The following CEP112 variants were observed in gnomAD, a reference collection of about 807,000 sequenced individuals.
The protein encoded by CEP112 is centrosomal protein 112.
Under a neutral mutation model 153.0 loss-of-function variants are expected in CEP112, and 127 were observed. The observed-to-expected ratio is 0.83, with a 90% CI of 0.72 to 0.96. The LOEUF is 0.96. Among genes scored for constraint, CEP112 ranks in the 40% least tolerant of loss-of-function variants. CEP112 has a pLI of 0.00. For missense variants in CEP112, 1,089 were observed against 1,101.2 expected, an observed-to-expected ratio of 0.99 and a Z score of 0.16; for synonymous variants, 358 against 374.4, an observed-to-expected ratio of 0.96 and a Z score of 0.51.
At chr17:65,663,058 G>C (rs35787556) in intron 24 of CEP112, among the ~76,000 whole-genome samples, 1 of 152,112 alleles carries the variant, frequency 6.6e-6, no homozygotes, top group Admixed American at 6.5e-5. Context: ...TAAGATTTTA[G>C]GGATAAGGGT....
At chr17:66,106,733 C>T (rs1369906629) in intron 6 of CEP112, among the ~76,000 whole-genome samples, 8 of 152,028 alleles carry the variant, frequency 5.3e-5, no homozygotes, top group Admixed American at 5.2e-4. Context: ...GAACTAATAT[C>T]AATCCTACTC....
intron 2 of CEP112, among the ~76,000 whole-genome samples, chr17:66,179,496 T>C (rs2072625640): frequency 6.6e-6 from 1 of 152,198 alleles, no homozygotes; most frequent in Non-Finnish European, 1.5e-5. Context: ...GATTGTTTGC[T>C]GTTGGCATAT....
At chr17:65,970,065 A>G (rs1012165022) in intron 17 of CEP112, among the ~76,000 whole-genome samples, 3 of 152,214 alleles carry the variant, frequency 2.0e-5, no homozygotes, top group Non-Finnish European at 4.4e-5. Flanking sequence ...TCACATGTGT[A>G]TTGCAAACAT....
At chr17:65,695,718 A>G (rs1311275704) in intron 23 of CEP112, among the ~76,000 whole-genome samples, 1 of 152,236 alleles carries the variant, frequency 6.6e-6, no homozygotes, top group Non-Finnish European at 1.5e-5. Flanking sequence ...AATACAAGGT[A>G]TATAACAGAG....
intron 17 of CEP112, 58 bp downstream of exon 17, chr17:66,005,632 T>G: frequency 6.4e-7 from 1 of 1,561,434 alleles, no homozygotes; most frequent in Non-Finnish European, 8.6e-7. Flanking sequence ...GTTACTTAAT[T>G]TGGCTCACAG....
At chr17:65,923,375 A>C (rs1406054909) in intron 19 of CEP112, among the ~76,000 whole-genome samples, 3 of 152,096 alleles carry the variant, frequency 2.0e-5, no homozygotes, top group Non-Finnish European at 4.4e-5. Context: ...TTACCCACTT[A>C]AAATGTTACA....
In CEP112 at chr17:66,040,824, A is replaced by C. The variant is rs1248299453; in HGVS notation, c.1219-10801T>G. Among the ~76,000 whole-genome samples, 3 of 152,274 alleles carry C rather than the reference A, an allele frequency of 2.0e-5. No homozygotes were observed. The East Asian group carries it at 5.8e-4, about 29-fold the overall frequency. ...TTCTTAATGATACCTTTGGTGATCA[A>C]AAGGTATTAATTTTAATATATCCTA... On this transcript the variant is annotated intron_variant, in intron 12 of 26. Coordinates refer to ENST00000535342, the MANE Select transcript of CEP112 (RefSeq NM_001199165.4).
At position 65,843,018 on chromosome 17, in the gene CEP112, A is replaced by G. The variant is rs2057580499; in HGVS notation, c.2394+8786T>C. ...TGCACATGTACCCCCGAATCTAAAA[A>G]GTTGAAATAAAAAAATTATCCTATA... On this transcript the variant is annotated intron_variant, in intron 21 of 26. Transcript: ENST00000535342. 1.3e-5 allele frequency among the ~76,000 whole-genome samples: 2 copies of G among 152,146 alleles called. 1 individual carries two copies. Among genetic ancestry groups the G allele is most frequent in the South Asian group, 4.1e-4 (2 of 4,826 alleles).
At chr17:65,691,557 T>A (rs1054166875) in intron 23 of CEP112, among the ~76,000 whole-genome samples, 1 of 152,210 alleles carries the variant, frequency 6.6e-6, no homozygotes, top group Admixed American at 6.5e-5. Flanking sequence ...GATATTAGAC[T>A]TGATCATAAA....
chr17:65,929,192 T>C (rs535492017), intron 18 of CEP112, among the ~76,000 whole-genome samples: 2 of 152,202 alleles, frequency 1.3e-5, no homozygotes, highest in Admixed American at 1.3e-4. Context: ...GAGTGAATTG[T>C]TGGTATGTGA....
intron 4 of CEP112, among the ~76,000 whole-genome samples, chr17:66,148,107 TG>T (rs1301587231): frequency 6.6e-6 from 1 of 152,170 alleles, no homozygotes; most frequent in African/African-American, 2.4e-5. Flanking sequence ...TCCACATGGC[TG>T]GGGAGGCCGC....
At chr17:65,959,461 A>T (rs2062119541) in intron 18 of CEP112, among the ~76,000 whole-genome samples, 1 of 152,208 alleles carries the variant, frequency 6.6e-6, no homozygotes, top group Non-Finnish European at 1.5e-5. Context: ...GTCGAATGGC[A>T]GGGCTAAAAG....
intron 21 of CEP112, among the ~76,000 whole-genome samples, chr17:65,771,964 G>GT (rs1344361765): frequency 3.9e-5 from 6 of 152,028 alleles, no homozygotes; most frequent in Admixed American, 6.6e-5. Flanking sequence ...TGAGTTTATA[G>GT]TGAGCTGTGA....
At chr17:66,034,452 T>G (rs967108332) in intron 12 of CEP112, among the ~76,000 whole-genome samples, 4 of 152,152 alleles carry the variant, frequency 2.6e-5, no homozygotes, top group Non-Finnish European at 5.9e-5. Context: ...TCATAAAATT[T>G]TAGAAAGTAT....
At chr17:66,132,823 G>C (rs1298660597) in intron 4 of CEP112, 60 bp from the exon 5 acceptor site, 5 of 1,063,674 alleles carry the variant, frequency 4.7e-6, no homozygotes, top group South Asian at 1.3e-5. Context: ...CAGAGTATTA[G>C]AATCTAGGAT....
intron 21 of CEP112, among the ~76,000 whole-genome samples, chr17:65,822,402 A>G (rs1355353111): frequency 6.6e-6 from 1 of 152,188 alleles, no homozygotes; most frequent in East Asian, 1.9e-4. Context: ...GCATATAACT[A>G]TCAACATTCT....
chr17:65,829,415 C>T (rs1363759490), intron 21 of CEP112, among the ~76,000 whole-genome samples: 1 of 152,064 alleles, frequency 6.6e-6, no homozygotes, highest in Non-Finnish European at 1.5e-5. Flanking sequence ...TATACTAGAC[C>T]CATAATGTAT....
At chr17:65,761,340 C>T (rs2052602382) in intron 21 of CEP112, among the ~76,000 whole-genome samples, 1 of 151,846 alleles carries the variant, frequency 6.6e-6, no homozygotes, top group Non-Finnish European at 1.5e-5. Context: ...ATTCAAACTC[C>T]TAGGCACAAG....
chr17:65,902,866 AT>A (rs2059926828), intron 19 of CEP112, among the ~76,000 whole-genome samples: 1 of 152,142 alleles, frequency 6.6e-6, no homozygotes. Context: ...ACATAAACAG[AT>A]GTTATGTGTT....
Sources: allele counts gnomAD v4.1 joint callset (sites outside exome capture counted in the v4.1 genomes callset), GRCh38; gene constraint gnomAD v4.1.1; transcripts MANE v1.5; gene names NCBI Gene and HGNC (gene_info 2026-07-23, HGNC 2026-07-21).